CALN1: variants seen among roughly 807,000 people sequenced by gnomAD.
CALN1 encodes the protein calcium-binding protein 8.
A neutral mutation model predicts 30.6 loss-of-function variants in CALN1; 17 were observed. That is an observed-to-expected ratio of 0.56 (90% CI 0.38 to 0.83). CALN1 has a LOEUF of 0.83. CALN1 is among the 40% of genes least tolerant of loss of function. The pLI is 0.00. For missense variants in CALN1, 291 were observed against 354.9 expected, an observed-to-expected ratio of 0.82 and a Z score of 1.45; for synonymous variants, 156 against 131.4, an observed-to-expected ratio of 1.19 and a Z score of -1.28.
the CALN1 span, among the ~76,000 whole-genome samples, chr7:72,474,383 C>G: frequency 6.6e-6 from 1 of 152,126 alleles, no homozygotes; most frequent in East Asian, 1.9e-4. Context: ...GACCTGCATG[C>G]AGTGTTTAAA....
At chr7:72,175,417 A>T (rs1014702606) in intron 3 of CALN1, among the ~76,000 whole-genome samples, 31 of 152,154 alleles carry the variant, frequency 2.0e-4, no homozygotes, top group Non-Finnish European at 3.5e-4. Flanking sequence ...TAAGTGGGGT[A>T]AGAAAGCATG....
At position 72,412,016 on chromosome 7, in the gene CALN1, CA is replaced by C. The variant is rs1562958721; in HGVS notation, c.-74+41del. 3 of 152,210 alleles carry C rather than the reference CA, an allele frequency of 2.0e-5. No homozygotes were observed. In the East Asian group the frequency reaches 5.8e-4, roughly 29 times the overall value. The allele number at this position is 152,210 out of a possible 1,614,324, so 9.4% of individuals were successfully genotyped here. On this transcript the variant is annotated intron_variant, in intron 1 of 6. Transcript: ENST00000395275. The stretch of plus-strand genomic sequence containing the variant: ...CCAAACCTGGCCCAGCTGGGAACTG[CA>C]TGCAGCTGAGCCCACCATGCTCTTT...
rs1554357121 is a variant in CALN1, at chr7:71,857,026, G to GTGTGTGTA, written c.502-46535_502-46534insTACACACA. On this transcript the variant is annotated intron_variant, in intron 5 of 6. Coordinates refer to ENST00000395275, the MANE Select transcript of CALN1 (RefSeq NM_031468.4). ...ATGGTGTGTATATGTATGTGTGTGT[G>GTGTGTGTA]TGTGTGTGTGTGTGTGTGTGTGTGT... Among the ~76,000 whole-genome samples the GTGTGTGTA allele has an allele frequency of 8.6e-3, 1,266 of 147,714 alleles. 16 individuals carry two copies. Among genetic ancestry groups the GTGTGTGTA allele is most frequent in the African/African-American group, 0.03 (1,133 of 38,372 alleles).
intron 5 of CALN1, among the ~76,000 whole-genome samples, chr7:71,860,167 T>C (rs1017277521): frequency 6.6e-6 from 1 of 151,944 alleles, no homozygotes; most frequent in African/African-American, 2.4e-5. Context: ...AGCCCTGCTC[T>C]GCCTTTATTG....
At chr7:72,241,934 A>G (rs1453325673) in intron 3 of CALN1, among the ~76,000 whole-genome samples, 3 of 152,056 alleles carry the variant, frequency 2.0e-5, no homozygotes, top group Non-Finnish European at 4.4e-5. Context: ...CATTAAGTAT[A>G]TTTTCATTAT....
chr7:72,068,453 A>C (rs763130034), intron 4 of CALN1, among the ~76,000 whole-genome samples: 11 of 152,026 alleles, frequency 7.2e-5, no homozygotes, highest in Non-Finnish European at 1.5e-4. Context: ...TGGCTTATTG[A>C]CCTAAACCAA....
At chr7:72,331,321 G>C (rs907926634) in intron 2 of CALN1, among the ~76,000 whole-genome samples, 6 of 152,062 alleles carry the variant, frequency 3.9e-5, no homozygotes, top group Non-Finnish European at 7.3e-5. Flanking sequence ...CTGCACTCCA[G>C]CCTGGGCAAC....
intron 6 of CALN1, among the ~76,000 whole-genome samples, chr7:71,795,097 G>A (rs6973654): frequency 0.13 from 19,616 of 151,844 alleles, 1,779 homozygotes; most frequent in East Asian, 0.25. Flanking sequence ...ATATTGGCTC[G>A]CTGCAACCTC....
the CALN1 span, among the ~76,000 whole-genome samples, chr7:72,462,338 C>A: frequency 2.6e-5 from 4 of 152,094 alleles, no homozygotes; most frequent in Admixed American, 1.3e-4. Flanking sequence ...GGTGTGCACA[C>A]CATGCCCAGC....
chr7:72,377,447 G>GTGTGTGTT (rs1804632273), intron 2 of CALN1, among the ~76,000 whole-genome samples: 1 of 149,598 alleles, frequency 6.7e-6, no homozygotes, highest in African/African-American at 2.5e-5. Context: ...GTGTGTGTGT[G>GTGTGTGTT]TGTGTGTGTG....
chr7:71,897,411 G>A (rs1351504760), intron 5 of CALN1, among the ~76,000 whole-genome samples: 8 of 152,006 alleles, frequency 5.3e-5, no homozygotes, highest in Admixed American at 4.6e-4. Flanking sequence ...TTCTACAAAA[G>A]GGCCGGTTGG....
At chr7:72,237,927 A>G (rs1013987185) in intron 3 of CALN1, among the ~76,000 whole-genome samples, 2 of 152,344 alleles carry the variant, frequency 1.3e-5, no homozygotes, top group East Asian at 3.9e-4. Context: ...GGCACTGTTG[A>G]CAGCAAATGC....
chr7:72,045,980 C>G (rs2129534775), intron 4 of CALN1, among the ~76,000 whole-genome samples: 1 of 128,186 alleles, frequency 7.8e-6, no homozygotes, highest in Middle Eastern at 5.3e-3. Context: ...GCCTGGGCAA[C>G]AGCGAGACTC....
At chr7:72,201,279 G>A (rs1046415272) in intron 3 of CALN1, among the ~76,000 whole-genome samples, 4 of 152,146 alleles carry the variant, frequency 2.6e-5, no homozygotes, top group Admixed American at 6.6e-5. Flanking sequence ...CTACTGGAGG[G>A]GTTGGGGGAA....
chr7:71,866,884 C>T (rs758726519), intron 5 of CALN1, among the ~76,000 whole-genome samples: 39 of 152,254 alleles, frequency 2.6e-4, no homozygotes, highest in Non-Finnish European at 5.4e-4. Context: ...GTGGCTCACG[C>T]CTGTAATCCC....
chr7:72,184,856 A>T (rs747266431), intron 3 of CALN1, among the ~76,000 whole-genome samples: 3 of 151,814 alleles, frequency 2.0e-5, no homozygotes, highest in Non-Finnish European at 4.4e-5. Context: ...GCAGTGGTGC[A>T]ATCATAGCTC....
At chr7:72,373,786 CA>C (rs1804387027) in intron 2 of CALN1, among the ~76,000 whole-genome samples, 1 of 152,146 alleles carries the variant, frequency 6.6e-6, no homozygotes, top group South Asian at 2.1e-4. Flanking sequence ...GAATCAGAAA[CA>C]GAGTAAGTCC....
rs144589347 is a variant in CALN1, at chr7:71,906,176, T to C, written c.502-95684A>G. On this transcript the variant is annotated intron_variant, in intron 5 of 6. Transcript: ENST00000395275. ...TATAATAAATGGACACTCCCTATCA[T>C]TGCTGGAAGCAGTGTGCTTGGTGCC... 1.2e-4 allele frequency among the ~76,000 whole-genome samples: 18 copies of C among 152,310 alleles called. No homozygotes were observed. The East Asian group carries it at 3.3e-3, about 28-fold the overall frequency.
intron 4 of CALN1, among the ~76,000 whole-genome samples, chr7:72,039,849 C>G (rs1053659420): frequency 5.9e-5 from 9 of 152,148 alleles, no homozygotes; most frequent in Admixed American, 2.0e-4. Flanking sequence ...GAAGACCCCC[C>G]CAAGCAGGCT....
Sources: allele counts gnomAD v4.1 joint callset (sites outside exome capture counted in the v4.1 genomes callset), GRCh38; gene constraint gnomAD v4.1.1; transcripts MANE v1.5; gene names NCBI Gene and HGNC (gene_info 2026-07-23, HGNC 2026-07-21).